The following GABBR2 variants were observed in gnomAD, a reference collection of about 807,000 sequenced individuals.
GABBR2 encodes gamma-aminobutyric acid type B receptor subunit 2, also known as G-protein coupled receptor 51.
GABBR2 carries 23 observed loss-of-function variants against 105.6 expected under a neutral mutation model. That is an observed-to-expected ratio of 0.22 (90% CI 0.16 to 0.31). The LOEUF (loss-of-function observed/expected upper bound fraction) is 0.31, where lower values mean the gene tolerates loss of function less well. Ranked by LOEUF, GABBR2 falls within the 10% of genes least tolerant of loss-of-function variation. The pLI is 1.00. For missense variants in GABBR2, 734 were observed against 1,245.5 expected (o/e 0.59, Z 6.18); for synonymous variants, 478 against 499.7 (o/e 0.96, Z 0.58).
intron 1 of GABBR2, among the ~76,000 whole-genome samples, chr9:98,645,984 C>T (rs748544866): frequency 3.3e-5 from 5 of 152,188 alleles, no homozygotes; most frequent in Non-Finnish European, 7.3e-5. Flanking sequence ...TAGCAAACAG[C>T]AGGCCAGGAT....
At chr9:98,482,340 GA>G (rs763005713) in intron 4 of GABBR2, among the ~76,000 whole-genome samples, 6 of 151,832 alleles carry the variant, frequency 4.0e-5, no homozygotes, top group African/African-American at 7.2e-5. Context: ...AAGAAGAGGG[GA>G]AAAAAAACAC....
At chr9:98,476,289 C>T (rs1280913232) in intron 5 of GABBR2, among the ~76,000 whole-genome samples, 1 of 152,202 alleles carries the variant, frequency 6.6e-6, no homozygotes, top group African/African-American at 2.4e-5. Context: ...GTGAGTTTTC[C>T]AGAAAACAGA....
At chr9:98,646,720 T>A (rs1830032461) in intron 1 of GABBR2, among the ~76,000 whole-genome samples, 1 of 152,152 alleles carries the variant, frequency 6.6e-6, no homozygotes, top group African/African-American at 2.4e-5. Context: ...CAACAGACTA[T>A]CTCTCTGGTA....
intron 1 of GABBR2, among the ~76,000 whole-genome samples, chr9:98,648,120 G>GTGTGTGTGTGTGTGT (rs1564140811): frequency 7.5e-4 from 30 of 39,926 alleles, no homozygotes; most frequent in African/African-American, 1.8e-3. Context: ...TGTGTGTATA[G>GTGTGTGTGTGTGTGT]ATAGATAGAT....
intron 1 of GABBR2, among the ~76,000 whole-genome samples, chr9:98,703,358 G>C (rs1214057178): frequency 6.6e-6 from 1 of 152,212 alleles, no homozygotes; most frequent in Non-Finnish European, 1.5e-5. Flanking sequence ...TTGGCTTTCT[G>C]TCATTTGCAT....
chr9:98,449,779 G>A (rs1005895746), intron 7 of GABBR2, among the ~76,000 whole-genome samples: 2 of 152,178 alleles, frequency 1.3e-5, no homozygotes, highest in Non-Finnish European at 2.9e-5. Context: ...TGACAGAAGA[G>A]GGGGATGGAG....
At chr9:98,422,957 C>T (rs1312726427) in intron 7 of GABBR2, among the ~76,000 whole-genome samples, 2 of 152,156 alleles carry the variant, frequency 1.3e-5, no homozygotes, top group Non-Finnish European at 2.9e-5. Context: ...TTTTTTAAGG[C>T]TGCACAGTAT....
rs1290263823 is a variant in GABBR2, at chr9:98,454,152, G to A, written c.1065C>T (p.His355=). The A allele has an allele frequency of 1.2e-6, 2 of 1,614,112 alleles. No homozygotes were observed. Among genetic ancestry groups the A allele is most frequent in the South Asian group, 1.1e-5 (1 of 91,074 alleles). ...KRSGVGPSKF[H]GYAYDGIWVI... ...CCCAGATGCCATCGTAGGCGTACCC[G>A]TGGAACTTGCTGGGCCCCACGCCTG... is the stretch of plus-strand genomic sequence containing the variant. The change falls in exon 7 of 19, where the codon CAC becomes CAT. Residue 355 remains histidine (H), a synonymous_variant. Coordinates refer to ENST00000259455, the MANE Select transcript of GABBR2 (RefSeq NM_005458.8). This position sits in a 1 kb window ranked among gnomAD's most constrained non-coding sequence, Gnocchi z 4.6.
chr9:98,563,303 C>T lies in GABBR2; in HGVS notation c.459+14632G>A, dbSNP rs1359130507. Among the ~76,000 whole-genome samples the T allele has an allele frequency of 2.6e-5, 4 of 152,258 alleles. No homozygotes were observed. In the East Asian group the frequency reaches 5.8e-4, roughly 22 times the overall value. ...CATGAGCTGGGCTCTAAGGTTCCCCCGGCAAACAAAGGAGACGCTGCCTCG... is the reference window on the plus strand; with the variant it reads ...CATGAGCTGGGCTCTAAGGTTCCCCTGGCAAACAAAGGAGACGCTGCCTCG... On this transcript the variant is annotated intron_variant, in intron 2 of 18. Coordinates refer to ENST00000259455, the MANE Select transcript of GABBR2 (RefSeq NM_005458.8).
chr9:98,383,223 G>A (rs922098891), intron 11 of GABBR2, among the ~76,000 whole-genome samples: 9 of 152,194 alleles, frequency 5.9e-5, no homozygotes, highest in African/African-American at 1.9e-4. Context: ...TTATAGGTGT[G>A]AGCCACTGCA....
At chr9:98,670,361 G>C (rs887343360) in intron 1 of GABBR2, among the ~76,000 whole-genome samples, 1 of 152,004 alleles carries the variant, frequency 6.6e-6, no homozygotes, top group Admixed American at 6.6e-5. Context: ...TGAGGACATA[G>C]AGAAATTGGA....
chr9:98,313,028 G>A (rs141982252), intron 13 of GABBR2, among the ~76,000 whole-genome samples: 3,328 of 152,296 alleles, frequency 0.022, 60 homozygotes, highest in Non-Finnish European at 0.03. Flanking sequence ...GGGATTACAG[G>A]CATGGGCCAC....
At position 98,647,715 on chromosome 9, in the gene GABBR2, T is replaced by G. The variant is rs116983731; in HGVS notation, c.321+60702A>C. 8.1e-4 allele frequency among the ~76,000 whole-genome samples: 123 copies of G among 152,316 alleles called. No homozygotes were observed. The East Asian group carries it at 0.014, about 17-fold the overall frequency. ...GGAGGAAGAATTAGGTTAATTACAT[T>G]GAGAAGAAATGCAAGAGGGTAATAA... is the stretch of plus-strand genomic sequence containing the variant. On this transcript the variant is annotated intron_variant, in intron 1 of 18. Transcript: ENST00000259455.
In GABBR2 at chr9:98,572,478, C is replaced by T. The variant is rs543108113; in HGVS notation, c.459+5457G>A. 2.6e-5 allele frequency among the ~76,000 whole-genome samples: 4 copies of T among 152,190 alleles called. 1 individual carries two copies. Among genetic ancestry groups the T allele is most frequent in the Admixed American group, 2.6e-4 (4 of 15,278 alleles). ...ATTACACAAATTCCATGCAGTTTTCCATTTGTGAAGCTCTGTTTTGAAGCC... is the reference window on the plus strand; with the variant it reads ...ATTACACAAATTCCATGCAGTTTTCTATTTGTGAAGCTCTGTTTTGAAGCC... On this transcript the variant is annotated intron_variant, in intron 2 of 18. Transcript: ENST00000259455.
chr9:98,629,302 A>G (rs1165983078), intron 1 of GABBR2, among the ~76,000 whole-genome samples: 2 of 152,250 alleles, frequency 1.3e-5, no homozygotes, highest in African/African-American at 2.4e-5. Context: ...TAATTTTCAT[A>G]GAAAATACCA....
intron 7 of GABBR2, among the ~76,000 whole-genome samples, chr9:98,422,510 G>C (rs1319228626): frequency 6.6e-6 from 1 of 151,160 alleles, no homozygotes; most frequent in South Asian, 2.1e-4. Flanking sequence ...GTGTGTGTGT[G>C]TGTGTGTGTG....
intron 1 of GABBR2, among the ~76,000 whole-genome samples, chr9:98,665,762 C>T (rs1157894770): frequency 6.6e-6 from 1 of 152,206 alleles, no homozygotes; most frequent in African/African-American, 2.4e-5. Context: ...GCGGATCTAA[C>T]TTCTCACATT....
chr9:98,605,479 C>T (rs528756341), intron 1 of GABBR2, among the ~76,000 whole-genome samples: 26 of 152,314 alleles, frequency 1.7e-4, no homozygotes, highest in African/African-American at 5.8e-4. Flanking sequence ...CCCACATGAA[C>T]GTGATGGGGA....
intron 1 of GABBR2, among the ~76,000 whole-genome samples, chr9:98,616,041 G>A (rs1479263666): frequency 6.6e-6 from 1 of 152,336 alleles, no homozygotes; most frequent in Admixed American, 6.5e-5. Context: ...CACGTAGAAA[G>A]CTGATAAATT....
Sources: gnomAD v4.1 joint callset for allele counts (sites outside exome capture counted in the v4.1 genomes callset) on GRCh38, gnomAD v4.1.1 for gene constraint, Gnocchi (gnomAD v3.1) non-coding constraint, MANE v1.5 for transcripts, NCBI Gene and HGNC (gene_info 2026-07-23, HGNC 2026-07-21) for gene names.